Variants in GAS7 observed in about 807,000 individuals in gnomAD.
The protein encoded by GAS7 is growth arrest-specific protein 7.
Under a neutral mutation model 71.1 loss-of-function variants are expected in GAS7, and 28 were observed. The observed-to-expected ratio is 0.39, with a 90% CI of 0.29 to 0.54. GAS7 has a LOEUF of 0.54. Among genes scored for constraint, GAS7 ranks in the 20% least tolerant of loss-of-function variants. GAS7 has a pLI of 0.62. For missense variants in GAS7, 436 were observed against 627.8 expected (o/e 0.69, Z 3.27); for synonymous variants, 258 against 245.8 (o/e 1.05, Z -0.46).
chr17:10,163,267 C>A (rs1313651737), intron 1 of GAS7, among the ~76,000 whole-genome samples: 3 of 151,980 alleles, frequency 2.0e-5, no homozygotes, highest in Admixed American at 6.6e-5. Context: ...TGCGCCAACA[C>A]GCCCGCTAAT....
intron 1 of GAS7, among the ~76,000 whole-genome samples, chr17:10,187,982 C>T (rs1418699747): frequency 6.6e-6 from 1 of 152,064 alleles, no homozygotes; most frequent in East Asian, 1.9e-4. Context: ...TTTTTAAATT[C>T]AGTTTCATCC....
chr17:10,088,729 G>A (rs1268652720), intron 1 of GAS7, among the ~76,000 whole-genome samples: 1 of 152,070 alleles, frequency 6.6e-6, no homozygotes, highest in Non-Finnish European at 1.5e-5. Context: ...GGAAGGGAGG[G>A]AAAATGCAAT....
At position 9,925,462 on chromosome 17, in the gene GAS7, T is replaced by A; in HGVS notation, c.1138+14A>T. 1 of 1,613,632 alleles carries A rather than the reference T, an allele frequency of 6.2e-7. No individual in the cohort carries two copies. On this transcript the variant is annotated intron_variant, in intron 11 of 13. Transcript: ENST00000432992. ...GTGTGCACTGACCAGGCCAGGCGGG[T>A]GCCCAGCACTTACCAGCCTGTGTGG...
At chr17:9,975,500 T>TCCTTC (rs2070158926) in intron 3 of GAS7, among the ~76,000 whole-genome samples, 1 of 145,724 alleles carries the variant, frequency 6.9e-6, no homozygotes. Context: ...CTCCCTTCCT[T>TCCTTC]CTACCCATCC....
At chr17:10,149,943 G>C (rs2074150891) in intron 1 of GAS7, among the ~76,000 whole-genome samples, 1 of 152,098 alleles carries the variant, frequency 6.6e-6, no homozygotes, top group Non-Finnish European at 1.5e-5. Context: ...TGGTTGTTAG[G>C]GGTAAGGAGA....
rs1196876438 is a variant in GAS7, at chr17:9,916,240, G to A, written c.*988C>T. On this transcript the variant is annotated 3_prime_UTR_variant, in exon 14 of 14. Transcript: ENST00000432992. Reference sequence around the variant, plus strand: ...CCCATCTCACATGTAGGACTGACCCGGCCCCATTAAGAGCCTGTGGTGGGC... The same window carrying A: ...CCCATCTCACATGTAGGACTGACCCAGCCCCATTAAGAGCCTGTGGTGGGC... The A allele has an allele frequency of 3.9e-5, 9 of 233,054 alleles. No homozygotes were observed. The highest frequency in any genetic ancestry group is 1.2e-4 in the East Asian group (2 of 16,566). The allele number at this position is 233,054 out of a possible 1,614,324, so 14.4% of individuals were successfully genotyped here.
chr17:10,130,855 G>C (rs954680454), intron 1 of GAS7, among the ~76,000 whole-genome samples: 1 of 152,186 alleles, frequency 6.6e-6, no homozygotes, highest in Non-Finnish European at 1.5e-5. Context: ...GGCGTGGTTG[G>C]GGGGAACGGG....
chr17:9,995,798 A>ATTTTGT (rs1048307449), intron 2 of GAS7, among the ~76,000 whole-genome samples: 95 of 152,294 alleles, frequency 6.2e-4, no homozygotes, highest in African/African-American at 2.2e-3. Context: ...GTATGAAGGT[A>ATTTTGT]TTTTGTGGAG....
At chr17:10,198,027 G>C (rs2074553492) in intron 1 of GAS7, among the ~76,000 whole-genome samples, 181 bp downstream of exon 1, 1 of 152,150 alleles carries the variant, frequency 6.6e-6, no homozygotes, top group Admixed American at 6.5e-5. Context: ...ACGCCCCGAG[G>C]GGCGCCCGCT....
At chr17:10,017,604 C>T (rs1212661954) in intron 2 of GAS7, among the ~76,000 whole-genome samples, 3 of 152,202 alleles carry the variant, frequency 2.0e-5, no homozygotes, top group African/African-American at 7.2e-5. Flanking sequence ...GCTGGGATTA[C>T]AGGCATGAGC....
chr17:10,101,662 G>A (rs1156652854), intron 1 of GAS7, among the ~76,000 whole-genome samples: 2 of 152,154 alleles, frequency 1.3e-5, no homozygotes. Flanking sequence ...TTTGACTTGG[G>A]CTGCTACCAC....
intron 3 of GAS7, among the ~76,000 whole-genome samples, chr17:9,975,964 GC>G (rs2070184730): frequency 1.4e-5 from 2 of 145,324 alleles, no homozygotes; most frequent in Non-Finnish European, 3.1e-5. Flanking sequence ...CACAATTACA[GC>G]CTCCTTCCTC....
intron 5 of GAS7, among the ~76,000 whole-genome samples, chr17:9,954,139 G>A (rs1056509302): frequency 1.3e-5 from 2 of 152,218 alleles, no homozygotes; most frequent in African/African-American, 4.8e-5. Context: ...CTCAGGATGA[G>A]AGGATATGCC....
intron 1 of GAS7, among the ~76,000 whole-genome samples, chr17:10,162,064 CT>C (rs2074260814): frequency 5.6e-5 from 3 of 53,550 alleles, no homozygotes; most frequent in African/African-American, 3.5e-4. Flanking sequence ...AAGACTCCAT[CT>C]CAAAAAAAAA....
intron 1 of GAS7, among the ~76,000 whole-genome samples, chr17:10,100,091 A>G (rs774261289): frequency 2.6e-5 from 4 of 152,228 alleles, no homozygotes; most frequent in Non-Finnish European, 5.9e-5. Flanking sequence ...CGAAAGAGGA[A>G]ATGAAAACTT....
chr17:10,132,826 G>A (rs1020824550), intron 1 of GAS7, among the ~76,000 whole-genome samples: 2 of 151,812 alleles, frequency 1.3e-5, no homozygotes, highest in Admixed American at 6.6e-5. Context: ...GCTGGGGGAG[G>A]GGCTTCATTC....
chr17:10,064,522 G>A (rs965063219), intron 1 of GAS7, among the ~76,000 whole-genome samples: 15 of 152,274 alleles, frequency 9.9e-5, no homozygotes, highest in Middle Eastern at 6.8e-3. Flanking sequence ...CCCCAACCAC[G>A]GTACTAGTTC....
At chr17:10,133,122 A>ATATATATTT (rs1392845338) in intron 1 of GAS7, among the ~76,000 whole-genome samples, 2 of 118,886 alleles carry the variant, frequency 1.7e-5, no homozygotes, top group African/African-American at 3.0e-5. Context: ...ATATTTTTAT[A>ATATATATTT]TTTTTTTTTT....
chr17:10,024,080 C>T (rs1247915537), intron 1 of GAS7, among the ~76,000 whole-genome samples: 2 of 152,048 alleles, frequency 1.3e-5, no homozygotes, highest in African/African-American at 4.8e-5. Flanking sequence ...GCCAAGACTG[C>T]GCCATTGTAC....
Sources: gnomAD v4.1 joint callset for allele counts (sites outside exome capture counted in the v4.1 genomes callset) on GRCh38, gnomAD v4.1.1 for gene constraint, MANE v1.5 for transcripts, NCBI Gene and HGNC (gene_info 2026-07-23, HGNC 2026-07-21) for gene names.